MAGI2: variants seen among roughly 807,000 people sequenced by gnomAD.
MAGI2 encodes the protein membrane associated guanylate kinase, WW and PDZ domain containing 2.
A neutral mutation model predicts 133.3 loss-of-function variants in MAGI2; 35 were observed. The ratio of observed to expected loss-of-function variants is 0.26; its 90% CI spans 0.20 to 0.35. MAGI2 has a LOEUF of 0.35. MAGI2 is among the 10% of genes least tolerant of loss of function. The probability of loss-of-function intolerance (pLI) is 1.00; values close to 1 mark genes in which losing one functional copy is unlikely to be tolerated. For missense variants in MAGI2, 1,636 were observed against 1,863.4 expected (o/e 0.88, Z 2.25); for synonymous variants, 729 against 710.6 (o/e 1.03, Z -0.41).
chr7:79,392,470 C>T (rs1409984454), intron 1 of MAGI2, among the ~76,000 whole-genome samples: 1 of 152,162 alleles, frequency 6.6e-6, no homozygotes, highest in Non-Finnish European at 1.5e-5. Context: ...TTAACAATCC[C>T]ACCAACAGTG....
intron 6 of MAGI2, among the ~76,000 whole-genome samples, chr7:78,429,026 C>T (rs1799543365): frequency 1.3e-5 from 2 of 152,090 alleles, no homozygotes; most frequent in Admixed American, 6.6e-5. Context: ...ATTAAGGTAG[C>T]ACTTCAAAGC....
chr7:79,120,827 C>T (rs570098024), intron 1 of MAGI2, among the ~76,000 whole-genome samples: 18 of 152,046 alleles, frequency 1.2e-4, no homozygotes, highest in Non-Finnish European at 2.5e-4. Flanking sequence ...GCACTTTTCT[C>T]ACCAAAGTAT....
intron 1 of MAGI2, among the ~76,000 whole-genome samples, chr7:79,076,260 T>C (rs1013572): frequency 0.63 from 96,345 of 152,152 alleles, 37,365 homozygotes; most frequent in Non-Finnish European, 0.86. Context: ...ACTAACTAGT[T>C]TAGTTTTAAT....
In MAGI2 at chr7:78,876,099, G is replaced by T. The variant is rs1295109415; in HGVS notation, c.418+130991C>A. ...GCACCTTGGGAGGCCAAGGCAGGTG[G>T]ATCACAAGGTCAGGAGTTCAAGACC... On this transcript the variant is annotated intron_variant, in intron 2 of 21. Transcript: ENST00000354212. Among the ~76,000 whole-genome samples the T allele has an allele frequency of 3.9e-5, 6 of 152,106 alleles. No individual in the cohort carries two copies. In the East Asian group the frequency reaches 1.2e-3, roughly 30 times the overall value.
intron 1 of MAGI2, among the ~76,000 whole-genome samples, chr7:79,316,468 T>C (rs1345930112): frequency 6.6e-6 from 1 of 152,222 alleles, no homozygotes. Flanking sequence ...TATGTGCACA[T>C]GTATATGTAT....
chr7:79,298,029 T>C (rs1225146780), intron 1 of MAGI2, among the ~76,000 whole-genome samples: 1 of 152,238 alleles, frequency 6.6e-6, no homozygotes, highest in Admixed American at 6.5e-5. Context: ...TGTGTTATCT[T>C]CCTGAGTGGA....
In MAGI2 at chr7:79,139,479, T is replaced by G. The variant is rs925371292; in HGVS notation, c.302-132273A>C. ...TGCAGACACACAAGGGAGCTACGAC[T>G]CAAGCCAATGTCTGAAGGATCCCAC... On this transcript the variant is annotated intron_variant, in intron 1 of 21. Coordinates refer to ENST00000354212, the MANE Select transcript of MAGI2 (RefSeq NM_012301.4). Among the ~76,000 whole-genome samples, 3 of 152,186 alleles carry G rather than the reference T, an allele frequency of 2.0e-5. No homozygotes were observed. In the South Asian group the frequency reaches 6.2e-4, roughly 32 times the overall value.
At chr7:79,138,287 C>T (rs1196682001) in intron 1 of MAGI2, among the ~76,000 whole-genome samples, 9 of 152,138 alleles carry the variant, frequency 5.9e-5, no homozygotes, top group East Asian at 1.9e-4. Context: ...ATGGAACCTA[C>T]AGCTGCCTTT....
At chr7:79,170,137 C>CCTTTTTTTT (rs1825372437) in intron 1 of MAGI2, among the ~76,000 whole-genome samples, 1 of 42,924 alleles carries the variant, frequency 2.3e-5, no homozygotes, top group Non-Finnish European at 4.2e-5. Context: ...AGATATTATA[C>CCTTTTTTTT]TTTTTTTTTT....
chr7:78,860,560 A>G (rs1794072764), intron 2 of MAGI2, among the ~76,000 whole-genome samples: 1 of 152,130 alleles, frequency 6.6e-6, no homozygotes, highest in East Asian at 1.9e-4. Context: ...CAGAAAAGCA[A>G]ATATTGCAGA....
At chr7:79,337,744 C>T (rs1025340789) in intron 1 of MAGI2, among the ~76,000 whole-genome samples, 9 of 151,982 alleles carry the variant, frequency 5.9e-5, no homozygotes, top group Admixed American at 2.6e-4. Flanking sequence ...TAGAGATAAC[C>T]ACATAGGGCA....
intron 2 of MAGI2, among the ~76,000 whole-genome samples, chr7:78,917,029 T>C (rs1007729020): frequency 2.0e-5 from 3 of 152,010 alleles, no homozygotes; most frequent in Admixed American, 6.6e-5. Context: ...TACCCAAAGG[T>C]AGGAAGACAG....
Position 79,453,010 on chromosome 7 carries a change from C to T in MAGI2, c.301+10G>A, listed in dbSNP as rs1439056763. On this transcript the variant is annotated intron_variant, in intron 1 of 21. Coordinates refer to ENST00000354212, the MANE Select transcript of MAGI2 (RefSeq NM_012301.4). ...GCCCGGCAAAACACTGAGCAAGCCGCTGCTCTCACCTTGCTTGACACACTT... is the reference window on the plus strand; with the variant it reads ...GCCCGGCAAAACACTGAGCAAGCCGTTGCTCTCACCTTGCTTGACACACTT... 1.3e-6 allele frequency: 2 copies of T among 1,558,070 alleles called. No individual in the cohort carries two copies. Among genetic ancestry groups the T allele is most frequent in the Admixed American group, 3.6e-5 (2 of 55,834 alleles).
chr7:78,450,416 C>T (rs1279267962), intron 6 of MAGI2, among the ~76,000 whole-genome samples: 1 of 151,870 alleles, frequency 6.6e-6, no homozygotes, highest in Non-Finnish European at 1.5e-5. Flanking sequence ...TTGAAATTGC[C>T]CCATTTAGGA....
At chr7:78,533,291 T>C (rs1797616947) in intron 3 of MAGI2, among the ~76,000 whole-genome samples, 2 of 152,102 alleles carry the variant, frequency 1.3e-5, no homozygotes, top group South Asian at 2.1e-4. Context: ...AGAAAACCTG[T>C]TGAATTACTG....
At position 79,395,372 on chromosome 7, in the gene MAGI2, A is replaced by AT. The variant is rs561451049; in HGVS notation, c.301+57647dup. On this transcript the variant is annotated intron_variant, in intron 1 of 21. Transcript: ENST00000354212. ...GTGTTAATGATTATGAAACTGCAGA[A>AT]TGTTGGTTTTCAGAAAGCTTATAAT... Among the ~76,000 whole-genome samples the AT allele has an allele frequency of 6.2e-3, 940 of 152,326 alleles. 4 individuals carry two copies. The highest frequency in any genetic ancestry group is 9.0e-3 in the Non-Finnish European group (615 of 68,026).
At chr7:78,170,694 T>C (rs1826029113) in intron 14 of MAGI2, 1 of 152,048 alleles carries the variant, frequency 6.6e-6, no homozygotes, top group South Asian at 2.1e-4. Context: ...TTGGTTAGAG[T>C]AGGCCTCTTA....
chr7:79,248,031 T>C (rs937713501), intron 1 of MAGI2, among the ~76,000 whole-genome samples: 4 of 151,874 alleles, frequency 2.6e-5, no homozygotes, highest in South Asian at 2.1e-4. Context: ...AATAATAACA[T>C]TGAATGTAAA....
intron 10 of MAGI2, among the ~76,000 whole-genome samples, chr7:78,237,729 A>G (rs1192827113): frequency 6.6e-6 from 1 of 152,174 alleles, no homozygotes; most frequent in Admixed American, 6.5e-5. Context: ...GGGAGAAAAT[A>G]AAGATCACCC....
Sources: gnomAD v4.1 joint callset for allele counts (sites outside exome capture counted in the v4.1 genomes callset) on GRCh38, gnomAD v4.1.1 for gene constraint, MANE v1.5 for transcripts, NCBI Gene and HGNC (gene_info 2026-07-23, HGNC 2026-07-21) for gene names.